Variants in KCNK10 observed in about 807,000 individuals in gnomAD.
KCNK10 encodes potassium two pore domain channel subfamily K member 10.
A neutral mutation model predicts 47.7 loss-of-function variants in KCNK10; 25 were observed. That is an observed-to-expected ratio of 0.52 (90% CI 0.38 to 0.73). KCNK10 has a LOEUF of 0.73. Among genes scored for constraint, KCNK10 ranks in the 30% least tolerant of loss-of-function variants. The pLI is 0.00. For missense variants in KCNK10, 563 were observed against 714.5 expected (o/e 0.79, Z 2.42); for synonymous variants, 303 against 285.6 (o/e 1.06, Z -0.61).
At chr14:88,280,190 G>T (rs1307030675) in intron 1 of KCNK10, among the ~76,000 whole-genome samples, 2 of 152,018 alleles carry the variant, frequency 1.3e-5, no homozygotes, top group Non-Finnish European at 2.9e-5. Flanking sequence ...CCGACACAGG[G>T]GACACCAACA....
chr14:88,292,185 C>T (rs1004346611), intron 1 of KCNK10, among the ~76,000 whole-genome samples: 3 of 152,214 alleles, frequency 2.0e-5, no homozygotes, highest in Non-Finnish European at 4.4e-5. Flanking sequence ...TGCCCCTTGA[C>T]TGTGGTGGAG....
At chr14:88,289,315 T>G (rs1320083583) in intron 1 of KCNK10, among the ~76,000 whole-genome samples, 3 of 152,252 alleles carry the variant, frequency 2.0e-5, no homozygotes, top group Non-Finnish European at 2.9e-5. Context: ...GGGCTTCTTC[T>G]CTTTTATTCA....
intron 4 of KCNK10, among the ~76,000 whole-genome samples, chr14:88,197,701 A>G (rs2139834404): frequency 6.6e-6 from 1 of 151,260 alleles, no homozygotes; most frequent in African/African-American, 2.4e-5. Context: ...TTTGAAGATA[A>G]TACGCTATTG....
intron 1 of KCNK10, among the ~76,000 whole-genome samples, chr14:88,276,879 G>A (rs768721073): frequency 6.6e-6 from 1 of 152,234 alleles, no homozygotes; most frequent in Non-Finnish European, 1.5e-5. Flanking sequence ...AGACATCCAA[G>A]TGTACCTCCC....
chr14:88,307,321 A>G (rs1271115480), intron 1 of KCNK10, among the ~76,000 whole-genome samples: 1 of 112,628 alleles, frequency 8.9e-6, no homozygotes, highest in Non-Finnish European at 1.9e-5. Context: ...ACGTGAAAGA[A>G]GCTGATCACA....
chr14:88,243,078 A>AG (rs1160234340), intron 2 of KCNK10, among the ~76,000 whole-genome samples: 1 of 152,242 alleles, frequency 6.6e-6, no homozygotes, highest in Non-Finnish European at 1.5e-5. Flanking sequence ...TCATCAAAAA[A>AG]TCTGAAGAAT....
At chr14:88,195,245 AG>A (rs1039946946) in intron 4 of KCNK10, among the ~76,000 whole-genome samples, 15 of 152,170 alleles carry the variant, frequency 9.9e-5, no homozygotes, top group African/African-American at 3.6e-4. Flanking sequence ...TAAATAGCTG[AG>A]TGACCTTAGG....
chr14:88,241,335 A>G (rs1886460884), intron 2 of KCNK10, among the ~76,000 whole-genome samples: 2 of 152,304 alleles, frequency 1.3e-5, no homozygotes, highest in East Asian at 1.9e-4. Flanking sequence ...CTCTGAGCCT[A>G]GTTTCCTCAT....
chr14:88,274,388 C>T (rs113563691), intron 1 of KCNK10, among the ~76,000 whole-genome samples: 1 of 151,314 alleles, frequency 6.6e-6, no homozygotes, highest in Non-Finnish European at 1.5e-5. Context: ...ATGCCAAAAC[C>T]CTGTCTCTAC....
intron 1 of KCNK10, among the ~76,000 whole-genome samples, chr14:88,263,972 T>A (rs949573241): frequency 6.6e-6 from 1 of 152,154 alleles, no homozygotes; most frequent in Non-Finnish European, 1.5e-5. Context: ...GATAACCAAC[T>A]ACTCTATCCA....
chr14:88,239,487 A>T (rs889550379), intron 3 of KCNK10, among the ~76,000 whole-genome samples: 1 of 152,250 alleles, frequency 6.6e-6, no homozygotes, highest in African/African-American at 2.4e-5. Context: ...AAGAGATATC[A>T]TCACCCGTTA....
intron 1 of KCNK10, among the ~76,000 whole-genome samples, chr14:88,311,271 C>G (rs1181973123): frequency 2.0e-5 from 3 of 152,140 alleles, no homozygotes; most frequent in Non-Finnish European, 4.4e-5. Flanking sequence ...TTTAAATAAT[C>G]TTTTAAAAAT....
intron 1 of KCNK10, among the ~76,000 whole-genome samples, chr14:88,276,551 T>C (rs554797843): frequency 1.4e-4 from 21 of 152,330 alleles, no homozygotes; most frequent in Admixed American, 1.2e-3. Context: ...TACTTTCTCC[T>C]GTCATCCTAC....
chr14:88,252,790 C>G (rs1886836854), intron 2 of KCNK10, among the ~76,000 whole-genome samples: 1 of 152,200 alleles, frequency 6.6e-6, no homozygotes, highest in African/African-American at 2.4e-5. Flanking sequence ...CCTTGTCATG[C>G]AGGCTCTCTG....
At position 88,260,075 on chromosome 14, in the gene KCNK10, TG is replaced by T. The variant is rs1490122755; in HGVS notation, c.402+3126del. ...CTTCTGCCTCAGCCTCCCTAGTAGC[TG>T]GGACCACAGGTGCACACCACCACGC... On this transcript the variant is annotated intron_variant, in intron 2 of 6. Coordinates refer to ENST00000319231, the MANE Select transcript of KCNK10 (RefSeq NM_138317.3). This position sits in a 1 kb window ranked among gnomAD's most constrained non-coding sequence, Gnocchi z 4.5. Among the ~76,000 whole-genome samples the T allele has an allele frequency of 1.3e-5, 2 of 152,148 alleles. No homozygotes were observed. Among genetic ancestry groups the T allele is most frequent in the African/African-American group, 4.8e-5 (2 of 41,420 alleles).
At chr14:88,242,698 C>G (rs997560639) in intron 2 of KCNK10, among the ~76,000 whole-genome samples, 14 of 152,214 alleles carry the variant, frequency 9.2e-5, no homozygotes, top group African/African-American at 2.9e-4. Flanking sequence ...ATGTTCTGCT[C>G]TGCTCTAGAG....
At chr14:88,215,284 G>T (rs1389643036) in intron 4 of KCNK10, among the ~76,000 whole-genome samples, 1 of 152,156 alleles carries the variant, frequency 6.6e-6, no homozygotes, top group South Asian at 2.1e-4. Flanking sequence ...CCGCATGGCC[G>T]AGGAAGCCTC....
Position 88,180,516 on chromosome 14 carries a change from T to C in KCNK10, c.*5019A>G. 3.3e-6 allele frequency: 1 copy of C among 301,898 alleles called. No homozygotes were observed. Among genetic ancestry groups the C allele is most frequent in the Non-Finnish European group, 6.0e-6 (1 of 165,726 alleles). The allele number at this position is 301,898 out of a possible 1,614,324, so 18.7% of individuals were successfully genotyped here. A position where few individuals can be genotyped will look rare whatever the true frequency, so the allele number is the denominator to read the frequency against. On this transcript the variant is annotated 3_prime_UTR_variant, in exon 7 of 7. Coordinates refer to ENST00000319231, the MANE Select transcript of KCNK10 (RefSeq NM_138317.3). ...AAAGAGAGCTTCCGCAGTTACCTTCTGCAGCATAGGTCTGCTGAATCGACG... is the reference window on the plus strand; with the variant it reads ...AAAGAGAGCTTCCGCAGTTACCTTCCGCAGCATAGGTCTGCTGAATCGACG...
intron 6 of KCNK10, among the ~76,000 whole-genome samples, chr14:88,187,623 G>T (rs1408040944): frequency 1.1e-4 from 10 of 92,020 alleles, no homozygotes; most frequent in Admixed American, 2.0e-4. Flanking sequence ...AGGACAGGCT[G>T]CACCCCCCCA....
Sources: gnomAD v4.1 joint callset for allele counts (sites outside exome capture counted in the v4.1 genomes callset) on GRCh38, gnomAD v4.1.1 for gene constraint, Gnocchi (gnomAD v3.1) non-coding constraint, MANE v1.5 for transcripts, NCBI Gene and HGNC (gene_info 2026-07-23, HGNC 2026-07-21) for gene names.